ADGRB3: variants seen among roughly 807,000 people sequenced by gnomAD.
ADGRB3 encodes the protein brain-specific angiogenesis inhibitor 3.
In ADGRB3, 37 loss-of-function variants were observed where a neutral mutation model predicts 193.4. The ratio of observed to expected loss-of-function variants is 0.19; its 90% CI spans 0.15 to 0.25. ADGRB3 has a LOEUF of 0.25. ADGRB3 is among the 10% of genes least tolerant of loss of function. The probability of loss-of-function intolerance (pLI) is 1.00; values close to 1 mark genes in which losing one functional copy is unlikely to be tolerated. For synonymous variants in ADGRB3, 690 were observed against 644.2 expected (o/e 1.07, Z -1.08); for missense variants, 1,637 against 1,852.9 (o/e 0.88, Z 2.14).
At chr6:69,198,181 A>G (rs73467796) in intron 17 of ADGRB3, among the ~76,000 whole-genome samples, 3,142 of 152,158 alleles carry the variant, frequency 0.021, 112 homozygotes, top group African/African-American at 0.067. Context: ...CTTCCATACT[A>G]AAATATAAGT....
intron 5 of ADGRB3, among the ~76,000 whole-genome samples, chr6:68,941,911 T>C (rs995960900): frequency 6.7e-6 from 1 of 149,894 alleles, no homozygotes; most frequent in Non-Finnish European, 1.5e-5. Context: ...GAGCTAAATA[T>C]AGACTTACTT....
intron 3 of ADGRB3, among the ~76,000 whole-genome samples, chr6:68,907,557 C>G (rs893400432): frequency 6.6e-6 from 1 of 151,702 alleles, no homozygotes; most frequent in African/African-American, 2.4e-5. Context: ...TTTAGGGATT[C>G]CTATTGTAAA....
chr6:69,306,123 A>G (rs1048928952), intron 20 of ADGRB3, among the ~76,000 whole-genome samples: 2 of 151,460 alleles, frequency 1.3e-5, no homozygotes, highest in Non-Finnish European at 2.9e-5. Context: ...CCAATCCTTC[A>G]TGGGTGGGGG....
intron 11 of ADGRB3, among the ~76,000 whole-genome samples, chr6:68,999,304 G>A (rs1190134881): frequency 2.2e-5 from 3 of 139,306 alleles, no homozygotes; most frequent in Non-Finnish European, 3.0e-5. Context: ...TCGCACTGTC[G>A]CCCAGGCTGG....
intron 20 of ADGRB3, among the ~76,000 whole-genome samples, chr6:69,288,235 C>A (rs1423512172): frequency 6.6e-6 from 1 of 152,098 alleles, no homozygotes; most frequent in Non-Finnish European, 1.5e-5. Context: ...GTGTGATGTT[C>A]CCCTCCCTGT....
intron 17 of ADGRB3, among the ~76,000 whole-genome samples, chr6:69,109,770 A>G (rs1389521647): frequency 6.6e-6 from 1 of 152,158 alleles, no homozygotes; most frequent in Non-Finnish European, 1.5e-5. Context: ...GGATAATATT[A>G]AATACTATTT....
intron 3 of ADGRB3, among the ~76,000 whole-genome samples, chr6:68,806,182 ACAAAG>A (rs1261787382): frequency 1.3e-5 from 2 of 152,246 alleles, no homozygotes; most frequent in Non-Finnish European, 2.9e-5. Flanking sequence ...TTTTTAAAAT[ACAAAG>A]CAAACAAGAT....
At chr6:69,129,269 G>A (rs1315564477) in intron 17 of ADGRB3, among the ~76,000 whole-genome samples, 1 of 152,124 alleles carries the variant, frequency 6.6e-6, no homozygotes, top group Non-Finnish European at 1.5e-5. Flanking sequence ...GGAATTCTGG[G>A]TATGTGCATG....
chr6:68,674,671 C>A (rs1169809730), intron 3 of ADGRB3, among the ~76,000 whole-genome samples: 2 of 152,094 alleles, frequency 1.3e-5, no homozygotes, highest in African/African-American at 2.4e-5. Context: ...TGTATTTCAA[C>A]ATGTTTAGAT....
At chr6:69,342,635 G>A (rs1769000247) in intron 26 of ADGRB3, among the ~76,000 whole-genome samples, 1 of 152,040 alleles carries the variant, frequency 6.6e-6, no homozygotes, top group Non-Finnish European at 1.5e-5. Context: ...TCCAAGAGAA[G>A]AGAAGTATCT....
At chr6:68,861,562 C>CA (rs375570598) in intron 3 of ADGRB3, among the ~76,000 whole-genome samples, 113 of 145,922 alleles carry the variant, frequency 7.7e-4, no homozygotes, top group Middle Eastern at 3.5e-3. Context: ...ACTCCATCTC[C>CA]AAAAAAAAAA....
At chr6:68,735,086 A>G (rs745394183) in intron 3 of ADGRB3, among the ~76,000 whole-genome samples, 2 of 152,042 alleles carry the variant, frequency 1.3e-5, no homozygotes, top group Non-Finnish European at 2.9e-5. Context: ...AAAGCTATGT[A>G]TTATTGTATT....
chr6:68,909,975 C>A (rs893134103), intron 3 of ADGRB3, among the ~76,000 whole-genome samples: 2 of 152,186 alleles, frequency 1.3e-5, no homozygotes, highest in Non-Finnish European at 2.9e-5. Flanking sequence ...CCTGAGGAAT[C>A]GCCACGCTGT....
At chr6:69,374,130 C>G (rs937588758) in intron 30 of ADGRB3, among the ~76,000 whole-genome samples, 1 of 152,006 alleles carries the variant, frequency 6.6e-6, no homozygotes, top group Non-Finnish European at 1.5e-5. Context: ...TGCATGATTA[C>G]TACAGGTGTC....
chr6:69,337,832 A>G (rs1384550357), intron 24 of ADGRB3, among the ~76,000 whole-genome samples: 1 of 152,184 alleles, frequency 6.6e-6, no homozygotes. Flanking sequence ...TGAGCATCTT[A>G]CAACTTTCTC....
At chr6:69,071,074 G>T (rs529130771) in intron 16 of ADGRB3, among the ~76,000 whole-genome samples, 1 of 152,240 alleles carries the variant, frequency 6.6e-6, no homozygotes, top group African/African-American at 2.4e-5. Flanking sequence ...GCTCATCCTT[G>T]TATCACAGTG....
At chr6:68,928,175 ACACTT>A (rs1353482269) in intron 3 of ADGRB3, among the ~76,000 whole-genome samples, 4 of 152,172 alleles carry the variant, frequency 2.6e-5, no homozygotes, top group Non-Finnish European at 5.9e-5. Flanking sequence ...AAAAAAATGA[ACACTT>A]CAACTTGTTT....
At chr6:69,061,362 C>T (rs1370317136) in intron 15 of ADGRB3, among the ~76,000 whole-genome samples, 1 of 151,568 alleles carries the variant, frequency 6.6e-6, no homozygotes, top group Non-Finnish European at 1.5e-5. Context: ...TGCCAAAAAC[C>T]ACCTCATTAG....
intron 3 of ADGRB3, among the ~76,000 whole-genome samples, chr6:68,717,875 T>G (rs909902524): frequency 6.6e-6 from 1 of 151,696 alleles, no homozygotes; most frequent in African/African-American, 2.4e-5. Flanking sequence ...ATTGTATATT[T>G]TATTTCAGAA....
Sources: allele counts gnomAD v4.1 joint callset (sites outside exome capture counted in the v4.1 genomes callset), GRCh38; gene constraint gnomAD v4.1.1; transcripts MANE v1.5; gene names NCBI Gene and HGNC (gene_info 2026-07-23, HGNC 2026-07-21).